Variants in DAPK1 observed in about 807,000 individuals in gnomAD.
The protein encoded by DAPK1 is death-associated protein kinase 1.
In DAPK1, 56 loss-of-function variants were observed where a neutral mutation model predicts 144.9. That is an observed-to-expected ratio of 0.39 (90% confidence interval 0.31 to 0.48). The LOEUF is 0.48. Among genes scored for constraint, DAPK1 ranks in the 20% least tolerant of loss-of-function variants. The pLI, the probability that DAPK1 is intolerant of heterozygous loss-of-function variation, is 0.95. For missense variants in DAPK1, 1,454 were observed against 1,875.4 expected (o/e 0.78, Z 4.15); for synonymous variants, 690 against 749.0 (o/e 0.92, Z 1.29).
At chr9:87,683,464 T>C (rs1429874873) in intron 20 of DAPK1, among the ~76,000 whole-genome samples, 1 of 152,082 alleles carries the variant, frequency 6.6e-6, no homozygotes, top group East Asian at 1.9e-4. Context: ...CCTGCTGTGG[T>C]TAAGGGCACT....
intron 19 of DAPK1, among the ~76,000 whole-genome samples, chr9:87,673,613 G>T (rs1363441146): frequency 1.3e-5 from 2 of 152,126 alleles, no homozygotes; most frequent in Admixed American, 6.5e-5. Flanking sequence ...CCTGGGGCAG[G>T]GCTGAGCTGC....
At chr9:87,650,535 T>C (rs983261688) in intron 16 of DAPK1, 3 of 209,946 alleles carry the variant, frequency 1.4e-5, no homozygotes, top group African/African-American at 4.8e-5. Context: ...ACCACTCTTG[T>C]CTGGCAATCT....
chr9:87,698,209 T>C (rs529832285), intron 22 of DAPK1, among the ~76,000 whole-genome samples: 5 of 152,198 alleles, frequency 3.3e-5, no homozygotes, highest in African/African-American at 1.2e-4. Flanking sequence ...GTCCTTTTTT[T>C]CCTTTGTTTT....
chr9:87,664,788 C>T (rs1321799215), intron 18 of DAPK1, among the ~76,000 whole-genome samples: 2 of 152,226 alleles, frequency 1.3e-5, no homozygotes, highest in East Asian at 3.9e-4. Context: ...GCTCTAGCAA[C>T]TTCTCATGGG....
At chr9:87,701,815 G>A (rs1317000557) in intron 24 of DAPK1, 2 of 465,340 alleles carry the variant, frequency 4.3e-6, no homozygotes, top group South Asian at 3.1e-5. Context: ...GAATTCTCGG[G>A]AAACCCTTTC....
chr9:87,661,731 C>T (rs1830853851), intron 18 of DAPK1, among the ~76,000 whole-genome samples: 1 of 152,126 alleles, frequency 6.6e-6, no homozygotes, highest in East Asian at 1.9e-4. Flanking sequence ...GATGTTAGTT[C>T]CCTGTCGAAT....
intron 18 of DAPK1, among the ~76,000 whole-genome samples, chr9:87,659,032 G>A (rs1189265084): frequency 6.6e-6 from 1 of 152,240 alleles, no homozygotes; most frequent in African/African-American, 2.4e-5. Flanking sequence ...TGGCCCTGGC[G>A]GCTTCCACGC....
chr9:87,605,247 C>A, intron 3 of DAPK1, 72 bp downstream of exon 3: 1 of 1,284,432 alleles, frequency 7.8e-7, no homozygotes, highest in Non-Finnish European at 1.1e-6. Flanking sequence ...TCCAGCTGGA[C>A]CACGCCACAG....
At chr9:87,608,038 A>G (rs980891088) in intron 3 of DAPK1, among the ~76,000 whole-genome samples, 2 of 152,056 alleles carry the variant, frequency 1.3e-5, no homozygotes, top group Admixed American at 1.3e-4. Flanking sequence ...GAGAAGGGGG[A>G]AGTGCTACAC....
chr9:87,623,172 C>T (rs1437789973), intron 3 of DAPK1, among the ~76,000 whole-genome samples: 1 of 152,206 alleles, frequency 6.6e-6, no homozygotes, highest in East Asian at 1.9e-4. Flanking sequence ...GGCCCCACAT[C>T]CTCCTGGGCC....
intron 2 of DAPK1, among the ~76,000 whole-genome samples, chr9:87,571,436 A>AACACACACACAC (rs374135959): frequency 7.7e-5 from 1 of 13,028 alleles, no homozygotes; most frequent in Admixed American, 1.0e-3. Flanking sequence ...CCCACCCCCC[A>AACACACACACAC]ACACACACAC....
In DAPK1 at chr9:87,643,272, G is replaced by A. The variant is rs967292903; in HGVS notation, c.919-104G>A. Reference sequence around the variant, plus strand: ...TGAACACGATCTCGCAGGCTTTGTCGTTTGTACTCATTTGACAATTGTTAC... The same window carrying A: ...TGAACACGATCTCGCAGGCTTTGTCATTTGTACTCATTTGACAATTGTTAC... On this transcript the variant is annotated intron_variant, in intron 10 of 25. Transcript: ENST00000408954. The A allele has an allele frequency of 5.2e-5, 35 of 667,532 alleles. No individual in the cohort carries two copies. The East Asian group carries it at 6.9e-4, about 13-fold the overall frequency. The allele number at this position is 667,532 out of a possible 1,614,324, so 41.4% of individuals were successfully genotyped here. A position where few individuals can be genotyped will look rare whatever the true frequency, so the allele number is the denominator to read the frequency against.
At chr9:87,704,500 G>GTATCTAATT (rs1825566643) in intron 25 of DAPK1, among the ~76,000 whole-genome samples, 1 of 152,166 alleles carries the variant, frequency 6.6e-6, no homozygotes, top group Admixed American at 6.5e-5. Context: ...CCTGCCTTCC[G>GTATCTAATT]TATCTAATTT....
intron 18 of DAPK1, among the ~76,000 whole-genome samples, chr9:87,667,020 A>G (rs1403212517): frequency 2.0e-5 from 3 of 152,320 alleles, no homozygotes; most frequent in East Asian, 1.9e-4. Flanking sequence ...GATGTACCCC[A>G]TACTGCTGAC....
intron 2 of DAPK1, among the ~76,000 whole-genome samples, chr9:87,502,695 T>TC (rs1824450498): frequency 6.6e-6 from 1 of 152,180 alleles, no homozygotes; most frequent in Non-Finnish European, 1.5e-5. Context: ...ACAATGAGTT[T>TC]CCCCTTTTAA....
At chr9:87,701,975 C>T (rs1825471258) in intron 24 of DAPK1, 1 of 428,804 alleles carries the variant, frequency 2.3e-6, no homozygotes, top group Admixed American at 2.6e-5. Context: ...ACAGTGGTCT[C>T]TGAGGGCCCC....
intron 3 of DAPK1, among the ~76,000 whole-genome samples, chr9:87,612,719 C>T (rs1828970323): frequency 6.6e-6 from 1 of 152,180 alleles, no homozygotes; most frequent in South Asian, 2.1e-4. Context: ...GTAATGCCAT[C>T]AGGTAACTGC....
At chr9:87,569,111 G>A (rs1827241166) in intron 2 of DAPK1, among the ~76,000 whole-genome samples, 1 of 152,144 alleles carries the variant, frequency 6.6e-6, no homozygotes, top group Non-Finnish European at 1.5e-5. Context: ...GGCTGGTTGG[G>A]GAATCCCTCT....
chr9:87,541,358 G>C (rs1011688731), intron 2 of DAPK1, among the ~76,000 whole-genome samples: 5 of 152,140 alleles, frequency 3.3e-5, no homozygotes, highest in Middle Eastern at 3.4e-3. Flanking sequence ...GACCAGCCTC[G>C]CCAACATGAT....
Sources: allele counts gnomAD v4.1 joint callset (sites outside exome capture counted in the v4.1 genomes callset), GRCh38; gene constraint gnomAD v4.1.1; transcripts MANE v1.5; gene names NCBI Gene and HGNC (gene_info 2026-07-23, HGNC 2026-07-21).